TUB: variants seen among roughly 807,000 people sequenced by gnomAD.
TUB encodes the protein tubby protein homolog.
TUB carries 33 observed loss-of-function variants against 59.7 expected under a neutral mutation model. The observed-to-expected ratio is 0.55, with a 90% CI of 0.42 to 0.74. The LOEUF (loss-of-function observed/expected upper bound fraction) is 0.74, where lower values mean the gene tolerates loss of function less well. TUB is among the 30% of genes least tolerant of loss of function. TUB has a pLI of 0.00. For missense variants in TUB, 659 were observed against 672.0 expected (o/e 0.98, Z 0.21); for synonymous variants, 293 against 256.4 (o/e 1.14, Z -1.36).
intron 2 of TUB, among the ~76,000 whole-genome samples, chr11:8,054,670 T>C (rs548644243): frequency 3.3e-4 from 51 of 152,338 alleles, no homozygotes; most frequent in African/African-American, 1.0e-3. Flanking sequence ...TGTTCCTCCA[T>C]ATATGTGTCA....
At chr11:8,030,730 C>A (rs956727842) in intron 1 of TUB, among the ~76,000 whole-genome samples, 1 of 152,064 alleles carries the variant, frequency 6.6e-6, no homozygotes, top group Admixed American at 6.5e-5. Context: ...AGCTGAGGTC[C>A]GGGGGAAGCG....
chr11:8,062,261 C>CG (rs1943143561), intron 2 of TUB: 1 of 152,216 alleles, frequency 6.6e-6, no homozygotes, highest in African/African-American at 2.4e-5. Flanking sequence ...GTGGGGGCCG[C>CG]GGGCCCCCAC....
Position 8,024,738 on chromosome 11 carries a change from T to C in TUB, c.56+5380T>C, listed in dbSNP as rs148834530. ...CTGAAGAAGGATTGTTAGTTTCCAATGTTGGCTACTGTCAGATTGTCCTCC... is the reference window on the plus strand; with the variant it reads ...CTGAAGAAGGATTGTTAGTTTCCAACGTTGGCTACTGTCAGATTGTCCTCC... On this transcript the variant is annotated intron_variant, in intron 1 of 11. Coordinates refer to the TUB transcript ENST00000534099. Among the ~76,000 whole-genome samples the C allele has an allele frequency of 3.9e-5, 6 of 152,358 alleles. No individual in the cohort carries two copies. In the East Asian group the frequency reaches 1.2e-3, roughly 29 times the overall value.
chr11:8,089,869 G>T (rs1158514995), intron 2 of TUB, among the ~76,000 whole-genome samples, 200 bp from the exon 3 acceptor site: 1 of 152,268 alleles, frequency 6.6e-6, no homozygotes, highest in African/African-American at 2.4e-5. Flanking sequence ...CTGGGTGACT[G>T]CAGTTGGAGG....
chr11:8,029,886 T>G (rs1040377730), intron 1 of TUB, among the ~76,000 whole-genome samples: 1 of 152,156 alleles, frequency 6.6e-6, no homozygotes, highest in Non-Finnish European at 1.5e-5. Context: ...GGCTGGAGGC[T>G]CTGCTTTGTT....
chr11:8,036,673 A>G (rs1589924484), upstream of TUB, among the ~76,000 whole-genome samples: 1 of 152,172 alleles, frequency 6.6e-6, no homozygotes, highest in Admixed American at 6.5e-5. Flanking sequence ...TTTCATAATC[A>G]CCATCCAGCA....
At chr11:8,077,992 C>A (rs750961121), upstream of TUB, among the ~76,000 whole-genome samples, 1 of 152,164 alleles carries the variant, frequency 6.6e-6, no homozygotes, top group Non-Finnish European at 1.5e-5. Context: ...TCATTCATAT[C>A]CCTTTGCTTC....
At chr11:8,101,072 G>T in intron 11 of TUB, 75 bp downstream of exon 11, 1 of 1,544,038 alleles carries the variant, frequency 6.5e-7, no homozygotes. Flanking sequence ...AGCCCACCTA[G>T]CCCTGCCTAC....
In TUB at chr11:8,094,157, C is replaced by G; in HGVS notation, c.365C>G (p.Ala122Gly). Residue 122 changes from alanine (A) to glycine (G), a missense_variant, in exon 4 of 12, where the codon GCC becomes GGC. By Grantham distance (60) the Ala-to-Gly change is moderately conservative. Around this residue, in one of 3 missense-constraint regions of TUB, gnomAD observed 321 missense variants for 304.3 expected, o/e 1.05. Transcript: ENST00000299506. ...AAATAGGQGG[A>G]ARKEKKGKHK... Reference sequence around the variant, plus strand: ...GCTACAGCAGGGGGCCAGGGTGGCGCCGCTAGGAAGGAGAAGAAGGGAAAG... The same window carrying G: ...GCTACAGCAGGGGGCCAGGGTGGCGGCGCTAGGAAGGAGAAGAAGGGAAAG... 6.2e-7 allele frequency: 1 copy of G among 1,613,876 alleles called. No individual in the cohort carries two copies. The highest frequency in any genetic ancestry group is 8.5e-7 in the Non-Finnish European group (1 of 1,179,902).
intron 9 of TUB, among the ~76,000 whole-genome samples, chr11:8,099,595 C>T (rs1944164002): frequency 6.6e-6 from 1 of 152,152 alleles, no homozygotes; most frequent in African/African-American, 2.4e-5. Context: ...AATGAACAGA[C>T]ATAAATGTAT....
intron 1 of TUB, among the ~76,000 whole-genome samples, chr11:8,083,858 T>G (rs1413624726): frequency 6.6e-6 from 1 of 152,178 alleles, no homozygotes; most frequent in Non-Finnish European, 1.5e-5. Flanking sequence ...GGGCACGCAC[T>G]GAGTGTGGCA....
chr11:8,098,520 C>T (rs1944108655), intron 8 of TUB, among the ~76,000 whole-genome samples: 1 of 152,188 alleles, frequency 6.6e-6, no homozygotes, highest in Non-Finnish European at 1.5e-5. Flanking sequence ...CCTGATTGAC[C>T]TCCCTGAATT....
intron 1 of TUB, among the ~76,000 whole-genome samples, chr11:8,024,880 G>A (rs917893742): frequency 7.9e-5 from 12 of 152,226 alleles, no homozygotes; most frequent in Non-Finnish European, 1.5e-4. Flanking sequence ...GCATCACTGC[G>A]CAGAACTTGG....
chr11:8,041,843 A>C (rs1336823655), intron 2 of TUB, among the ~76,000 whole-genome samples: 1 of 151,886 alleles, frequency 6.6e-6, no homozygotes, highest in Non-Finnish European at 1.5e-5. Context: ...GTGTGGGGGG[A>C]ATTCCTTCGT....
intron 2 of TUB, among the ~76,000 whole-genome samples, chr11:8,065,002 T>C (rs1007938624): frequency 6.6e-6 from 1 of 152,202 alleles, no homozygotes; most frequent in Non-Finnish European, 1.5e-5. Context: ...GGCCTCTCCA[T>C]GTTGAAGCAG....
chr11:8,098,886 GGTTCGGGGGTCTCTGAT>G lies in TUB; in HGVS notation c.1116+12_1116+28del. 1 of 1,584,300 alleles carries G rather than the reference GGTTCGGGGGTCTCTGAT, an allele frequency of 6.3e-7. No homozygotes were observed. Among genetic ancestry groups the G allele is most frequent in the Non-Finnish European group, 8.7e-7 (1 of 1,153,164 alleles). Reference sequence around the variant, plus strand: ...GCAGCTGTGTGCTACGTGAGTCCTAGGTTCGGGGGTCTCTGATTTCCAAGGTAGATATGAAATCCAGG... The same window carrying G: ...GCAGCTGTGTGCTACGTGAGTCCTAGTTCCAAGGTAGATATGAAATCCAGG... On this transcript the variant is annotated intron_variant, in intron 9 of 11. Coordinates refer to ENST00000299506, the MANE Select transcript of TUB (RefSeq NM_177972.3).
At chr11:8,045,785 A>T (rs1225635121) in intron 2 of TUB, among the ~76,000 whole-genome samples, 1 of 152,202 alleles carries the variant, frequency 6.6e-6, no homozygotes, top group Non-Finnish European at 1.5e-5. Flanking sequence ...TTGTTAGGGC[A>T]GGTCCAGAGC....
intron 1 of TUB, among the ~76,000 whole-genome samples, chr11:8,086,404 A>G (rs1211783366): frequency 6.6e-6 from 1 of 152,062 alleles, no homozygotes; most frequent in Admixed American, 6.5e-5. Flanking sequence ...AACTGGGCCT[A>G]TTGAGGAAGC....
chr11:8,083,210 G>T (rs1190543834), intron 1 of TUB, among the ~76,000 whole-genome samples: 1 of 152,228 alleles, frequency 6.6e-6, no homozygotes, highest in Non-Finnish European at 1.5e-5. Context: ...TGTGGGCTGA[G>T]TGGACTCCGG....
Sources: gnomAD v4.1 joint callset for allele counts (sites outside exome capture counted in the v4.1 genomes callset) on GRCh38, gnomAD v4.1.1 for gene constraint, gnomAD v4.1.1 regional missense constraint, MANE v1.5 for transcripts, NCBI Gene and HGNC (gene_info 2026-07-23, HGNC 2026-07-21) for gene names.